PECR: variants seen among roughly 807,000 people sequenced by gnomAD.
PECR encodes the protein peroxisomal trans-2-enoyl-CoA reductase, also known as 2,4-dienoyl-CoA reductase-related protein.
In PECR, 30 loss-of-function variants were observed where a neutral mutation model predicts 35.3. That is an observed-to-expected ratio of 0.85 (90% CI 0.64 to 1.15). The LOEUF is 1.15. Among genes scored for constraint, PECR ranks in the 50% most tolerant of loss-of-function variants. PECR has a pLI of 0.00. For synonymous variants in PECR, 148 were observed against 138.9 expected, an observed-to-expected ratio of 1.07 and a Z score of -0.46; for missense variants, 392 against 370.8, an observed-to-expected ratio of 1.06 and a Z score of -0.47.
At chr2:216,077,256 C>T (rs1288991382) in intron 1 of PECR, among the ~76,000 whole-genome samples, 1 of 152,074 alleles carries the variant, frequency 6.6e-6, no homozygotes, top group African/African-American at 2.4e-5. Context: ...CCTGTAATCC[C>T]AGCACTTTGG....
downstream of PECR, among the ~76,000 whole-genome samples, chr2:216,037,025 T>TAA (rs572379295): frequency 6.6e-5 from 10 of 152,212 alleles, no homozygotes; most frequent in Non-Finnish European, 1.5e-4. Context: ...CTCCCTACTG[T>TAA]AAGCTCAGTA....
In PECR at chr2:216,031,442, A is replaced by AG. The variant is rs1559203825; in HGVS notation, c.*440+7748_*440+7749insC. Among the ~76,000 whole-genome samples, 544 of 138,184 alleles carry AG rather than the reference A, an allele frequency of 3.9e-3. 3 individuals carry two copies. The highest frequency in any genetic ancestry group is 0.011 in the African/African-American group (390 of 35,198). 90.7% of individuals were successfully genotyped at this position (138,184 alleles called of 152,430 possible). A position where few individuals can be genotyped will look rare whatever the true frequency, so the allele number is the denominator to read the frequency against. On this transcript the variant is annotated intron_variant and NMD_transcript_variant, in intron 7 of 7. Coordinates refer to the PECR transcript ENST00000442122. ...GAAGAAAGAAAGAAAAGAAAGAAAG[A>AG]AAAAGAAAGAAAGAGAGAAAGAAAG...
At chr2:216,059,420 T>C (rs1055290756) in intron 3 of PECR, among the ~76,000 whole-genome samples, 2 of 152,246 alleles carry the variant, frequency 1.3e-5, no homozygotes, top group Non-Finnish European at 2.9e-5. Flanking sequence ...TTGTAATGTG[T>C]TAATAGTTCC....
downstream of PECR, among the ~76,000 whole-genome samples, chr2:216,034,643 T>G (rs756558074): frequency 3.9e-5 from 6 of 152,044 alleles, no homozygotes; most frequent in African/African-American, 7.2e-5. Flanking sequence ...CGTGTGAGAG[T>G]GCAACTGGTA....
chr2:216,070,409 T>A (rs1009477199), intron 1 of PECR, among the ~76,000 whole-genome samples: 13 of 152,224 alleles, frequency 8.5e-5, no homozygotes, highest in African/African-American at 2.7e-4. Flanking sequence ...TTATTCCTCC[T>A]GTCTAAATGA....
chr2:216,081,346 C>T (rs1027298261), intron 1 of PECR, among the ~76,000 whole-genome samples: 10 of 152,228 alleles, frequency 6.6e-5, no homozygotes, highest in African/African-American at 2.2e-4. Context: ...ACTAATTGCA[C>T]AGCATGTTTC....
At chr2:216,066,347 C>CA (rs1695465061) in intron 2 of PECR, 38 bp downstream of exon 2, 1 of 1,579,264 alleles carries the variant, frequency 6.3e-7, no homozygotes. Flanking sequence ...CTGCAAATTA[C>CA]AATGAATGAA....
intron 1 of PECR, among the ~76,000 whole-genome samples, chr2:216,066,910 A>G (rs1487279453): frequency 2.6e-5 from 4 of 152,206 alleles, no homozygotes; most frequent in Admixed American, 1.3e-4. Context: ...TCTGGACAAG[A>G]TGGAGTAGTA....
chr2:216,081,552 CT>C (rs1695851393), intron 1 of PECR, 65 bp downstream of exon 1: 1 of 1,603,884 alleles, frequency 6.2e-7, no homozygotes, highest in Admixed American at 1.7e-5. Flanking sequence ...GAGCTCCTGG[CT>C]CCCGTCTCCA....
chr2:216,065,166 T>C, intron 3 of PECR, 146 bp downstream of exon 3: 2 of 740,972 alleles, frequency 2.7e-6, no homozygotes, highest in South Asian at 1.4e-5. Flanking sequence ...ATTACTATAC[T>C]GAAATGTACC....
intron 6 of PECR, among the ~76,000 whole-genome samples, chr2:216,048,041 T>C (rs1477182360): frequency 1.3e-5 from 2 of 151,780 alleles, no homozygotes; most frequent in South Asian, 2.1e-4. Context: ...ATTTTTATTA[T>C]TGTGGGAAAG....
In PECR at chr2:216,043,711, T is replaced by A. The variant is rs141365138; in HGVS notation, c.826+193A>T. Among the ~76,000 whole-genome samples, 700 of 152,308 alleles carry A rather than the reference T, an allele frequency of 4.6e-3. 8 individuals carry two copies. Among genetic ancestry groups the A allele is most frequent in the African/African-American group, 0.016 (672 of 41,556 alleles). On this transcript the variant is annotated intron_variant, in intron 7 of 7. Transcript: ENST00000265322. ...GCACAAAAAGCTCAGTTCCATAATA[T>A]AGATAGTTAGATATTTTCTGTGACT...
At chr2:216,039,922 G>T (rs536572885) in intron 7 of PECR, among the ~76,000 whole-genome samples, 1 of 152,306 alleles carries the variant, frequency 6.6e-6, no homozygotes, top group African/African-American at 2.4e-5. Flanking sequence ...TGCATAAGTT[G>T]ATCGAATATA....
chr2:216,040,395 G>A (rs992001051), intron 7 of PECR, among the ~76,000 whole-genome samples: 1 of 152,068 alleles, frequency 6.6e-6, no homozygotes, highest in African/African-American at 2.4e-5. Flanking sequence ...CCCAAGTACA[G>A]GCACATGCCA....
chr2:216,063,479 G>A (rs1695400340), intron 3 of PECR, among the ~76,000 whole-genome samples: 1 of 152,008 alleles, frequency 6.6e-6, no homozygotes. Flanking sequence ...TTAGCCAGAT[G>A]TGGTGGTGAA....
rs149798403 is a variant in PECR at position 216,043,918 on chromosome 2, G to A, written c.812C>T (p.Ser271Leu). 8 of 1,581,070 alleles carry A rather than the reference G, an allele frequency of 5.1e-6. No homozygotes were observed. The highest frequency in any genetic ancestry group is 2.7e-5 in the African/African-American group (2 of 74,388). The change falls in exon 7 of 8, where the codon TCG (serine) becomes TTG (leucine). Residue 271 changes from serine (S) to leucine (L), a missense_variant. Ser to Leu is a moderately radical substitution (Grantham distance 145, BLOSUM62 -2). Transcript: ENST00000265322. ...VDGGRSLYTH[S>L]YEVPDHDNWP... ...CAGCTGCTCACCTGGTACCTCATACGAGTGAGTATAGAGACTCCGGCCCCC... is the reference window on the plus strand; with the variant it reads ...CAGCTGCTCACCTGGTACCTCATACAAGTGAGTATAGAGACTCCGGCCCCC...
chr2:216,032,246 C>T lies in PECR; in HGVS notation c.*440+6945G>A, dbSNP rs534230632. Among the ~76,000 whole-genome samples, 7 of 152,338 alleles carry T rather than the reference C, an allele frequency of 4.6e-5. No individual in the cohort carries two copies. The East Asian group carries it at 1.4e-3, about 29-fold the overall frequency. Reference sequence around the variant, plus strand: ...ACAAACTCTGACTAAACTTGTAACTCAGTCCAGAGAAATGAAAACAAAAGC... The same window carrying T: ...ACAAACTCTGACTAAACTTGTAACTTAGTCCAGAGAAATGAAAACAAAAGC... On this transcript the variant is annotated intron_variant and NMD_transcript_variant, in intron 7 of 7. Transcript: ENST00000442122.
chr2:216,081,215 G>C (rs1695838049), intron 1 of PECR, among the ~76,000 whole-genome samples: 1 of 151,984 alleles, frequency 6.6e-6, no homozygotes, highest in Non-Finnish European at 1.5e-5. Context: ...AGAGATGTGA[G>C]AAGATACTAT....
intron 6 of PECR, among the ~76,000 whole-genome samples, chr2:216,046,565 G>A (rs946099785): frequency 6.6e-6 from 1 of 151,938 alleles, no homozygotes; most frequent in South Asian, 2.1e-4. Context: ...CCTGCCTTAG[G>A]CTTCCAAAGT....
Sources: allele counts gnomAD v4.1 joint callset (sites outside exome capture counted in the v4.1 genomes callset), GRCh38; gene constraint gnomAD v4.1.1; transcripts MANE v1.5; gene names NCBI Gene and HGNC (gene_info 2026-07-23, HGNC 2026-07-21).